The following FLVCR1 variants were observed in gnomAD, a reference collection of about 807,000 sequenced individuals.
FLVCR1 encodes the protein FLVCR choline and heme transporter 1.
A neutral mutation model predicts 53.6 loss-of-function variants in FLVCR1; 34 were observed. The ratio of observed to expected loss-of-function variants is 0.63; its 90% CI spans 0.48 to 0.84. The LOEUF (loss-of-function observed/expected upper bound fraction) is 0.84, where lower values mean the gene tolerates loss of function less well. Among genes scored for constraint, FLVCR1 ranks in the 40% least tolerant of loss-of-function variants. The pLI, the probability that FLVCR1 is intolerant of heterozygous loss-of-function variation, is 0.00. For synonymous variants in FLVCR1, 300 were observed against 286.3 expected (o/e 1.05, Z -0.48); for missense variants, 677 against 696.7 (o/e 0.97, Z 0.32).
Position 212,895,655 on chromosome 1 carries a change from G to C in FLVCR1, c.*365G>C, listed in dbSNP as rs753957169. Reference sequence around the variant, plus strand: ...ACTTTTTAAAGTGATAATATGGGGTGTTCAGTCCCCATAAGATATAATAGT... The same window carrying C: ...ACTTTTTAAAGTGATAATATGGGGTCTTCAGTCCCCATAAGATATAATAGT... On this transcript the variant is annotated 3_prime_UTR_variant, in exon 10 of 10. Coordinates refer to ENST00000366971, the MANE Select transcript of FLVCR1 (RefSeq NM_014053.4). The C allele has an allele frequency of 1.9e-5, 6 of 315,670 alleles. No homozygotes were observed. The highest frequency in any genetic ancestry group is 3.7e-5 in the Non-Finnish European group (6 of 164,314). The allele number at this position is 315,670 out of a possible 1,614,324, so 19.6% of individuals were successfully genotyped here.
intron 3 of FLVCR1, among the ~76,000 whole-genome samples, chr1:212,881,402 A>C (rs1326918289): frequency 6.7e-6 from 1 of 149,996 alleles, no homozygotes; most frequent in Non-Finnish European, 1.5e-5. Flanking sequence ...GCAGTGGCAC[A>C]ATCTCGGCTC....
chr1:212,868,092 T>G (rs752410684), intron 2 of FLVCR1, among the ~76,000 whole-genome samples: 8 of 151,868 alleles, frequency 5.3e-5, no homozygotes, highest in Non-Finnish European at 1.0e-4. Flanking sequence ...TGTGATAATT[T>G]TACTTTTAAT....
At chr1:212,881,639 G>A (rs998321491) in intron 3 of FLVCR1, among the ~76,000 whole-genome samples, 4 of 152,042 alleles carry the variant, frequency 2.6e-5, no homozygotes, top group African/African-American at 4.8e-5. Context: ...GGGATTACAC[G>A]CGTGAGCCAC....
chr1:212,894,515 T>G (rs1347698956), intron 8 of FLVCR1, among the ~76,000 whole-genome samples: 2 of 152,192 alleles, frequency 1.3e-5, no homozygotes, highest in Admixed American at 1.3e-4. Flanking sequence ...ATACCTGCAT[T>G]CCCTTCTGCC....
intron 3 of FLVCR1, among the ~76,000 whole-genome samples, chr1:212,880,537 C>G (rs1664893298): frequency 6.6e-6 from 1 of 152,182 alleles, no homozygotes; most frequent in South Asian, 2.1e-4. Flanking sequence ...GTGGCACATG[C>G]CTGTAATTCC....
intron 8 of FLVCR1, among the ~76,000 whole-genome samples, chr1:212,893,069 G>GT (rs972502129): frequency 3.4e-5 from 5 of 147,750 alleles, no homozygotes; most frequent in Admixed American, 6.7e-5. Flanking sequence ...TTTTTTTGGG[G>GT]GGGGGTGCCG....
chr1:212,860,287 T>TA (rs1433478371), intron 1 of FLVCR1, among the ~76,000 whole-genome samples: 2 of 151,748 alleles, frequency 1.3e-5, no homozygotes, highest in Non-Finnish European at 2.9e-5. Context: ...TTATGACTGA[T>TA]ACTTGAGTTG....
chr1:212,867,054 A>G (rs539085289), intron 2 of FLVCR1, among the ~76,000 whole-genome samples: 2 of 152,378 alleles, frequency 1.3e-5, no homozygotes, highest in South Asian at 4.1e-4. Context: ...AATTCTATCC[A>G]TACTTACTTT....
At position 212,858,905 on chromosome 1, in the gene FLVCR1, G is replaced by GGT. The variant is rs1664127232; in HGVS notation, c.456_457dup (p.Tyr153CysfsTer108). The GGT allele has an allele frequency of 6.2e-7, 1 of 1,614,124 alleles. No homozygotes were observed. Among genetic ancestry groups the GGT allele is most frequent in the Non-Finnish European group, 8.5e-7 (1 of 1,180,050 alleles). On this transcript the variant is annotated frameshift_variant, in exon 1 of 10. Transcript: ENST00000366971. LOFTEE classifies it high-confidence loss of function. Reference sequence around the variant, plus strand: ...TGCTGCACATCGACTGGCTGTCCATGGTGTACATGCTGGCCTACGTGCCCC... The same window carrying GGT: ...TGCTGCACATCGACTGGCTGTCCATGGTGTGTACATGCTGGCCTACGTGCCCC...
At chr1:212,885,260 A>G (rs1390485187) in intron 4 of FLVCR1, 33 bp from the exon 5 acceptor site, 6 of 1,426,372 alleles carry the variant, frequency 4.2e-6, no homozygotes, top group Non-Finnish European at 5.0e-6. Context: ...TAATCCATTT[A>G]TTTGATCAAC....
chr1:212,874,402 T>C (rs1274686601), intron 3 of FLVCR1, among the ~76,000 whole-genome samples: 1 of 152,242 alleles, frequency 6.6e-6, no homozygotes, highest in Non-Finnish European at 1.5e-5. Context: ...TTAATTTTGC[T>C]GGTTATCTCC....
At position 212,889,181 on chromosome 1, in the gene FLVCR1, G is replaced by C; in HGVS notation, c.1449G>C (p.Lys483Asn). 1 of 1,613,718 alleles carries C rather than the reference G, an allele frequency of 6.2e-7. No homozygotes were observed. The highest frequency in any genetic ancestry group is 8.5e-7 in the Non-Finnish European group (1 of 1,179,702). Residue 483 changes from lysine (K) to asparagine (N), a missense_variant, in exon 8 of 10, where the codon AAG becomes AAC. Transcript: ENST00000366971. Reference sequence around the variant, plus strand: ...TTTTGTTCACATTGGCTCAAGGAAAGCTCACATCAGACTATGGTCCTAAGG... The same window carrying C: ...TTTTGTTCACATTGGCTCAAGGAAACCTCACATCAGACTATGGTCCTAAGG... ...FGILFTLAQG[K>N]LTSDYGPKAG...
At chr1:212,884,159 C>A (rs1376915550) in intron 4 of FLVCR1, among the ~76,000 whole-genome samples, 1 of 152,122 alleles carries the variant, frequency 6.6e-6, no homozygotes, top group African/African-American at 2.4e-5. Flanking sequence ...ATTAGCTGGG[C>A]ATGGTGGCGC....
rs1288367715 is a variant in FLVCR1, at chr1:212,876,688, A to G, written c.1024+3870A>G. Among the ~76,000 whole-genome samples the G allele has an allele frequency of 3.3e-5, 5 of 152,236 alleles. No individual in the cohort carries two copies. In the East Asian group the frequency reaches 7.7e-4, roughly 24 times the overall value. ...CCTGATCTCATTTCTTTTTGGCTGC[A>G]TAGTATTCCATGGTGTAAACATACC... is the stretch of plus-strand genomic sequence containing the variant. On this transcript the variant is annotated intron_variant, in intron 3 of 9. Transcript: ENST00000366971.
In FLVCR1 at chr1:212,870,645, TA is replaced by T. The variant is rs548965714; in HGVS notation, c.884-2025del. On this transcript the variant is annotated intron_variant, in intron 2 of 9. Coordinates refer to ENST00000366971, the MANE Select transcript of FLVCR1 (RefSeq NM_014053.4). ...ATTAAAAAAAAATCCTAATTTCTAT[TA>T]AAAAAAATTTTTTTTCTTGCTGTCT... is the stretch of plus-strand genomic sequence containing the variant. Among the ~76,000 whole-genome samples, 54 of 152,228 alleles carry T rather than the reference TA, an allele frequency of 3.5e-4. 1 individual carries two copies. The highest frequency in any genetic ancestry group is 2.1e-3 in the Admixed American group (32 of 15,290).
intron 1 of FLVCR1, among the ~76,000 whole-genome samples, chr1:212,862,025 C>G (rs1664258695): frequency 6.6e-6 from 1 of 152,130 alleles, no homozygotes; most frequent in Admixed American, 6.5e-5. Flanking sequence ...GTGACTATCT[C>G]TGCCTCAGAC....
At chr1:212,874,288 G>A (rs74989489) in intron 3 of FLVCR1, among the ~76,000 whole-genome samples, 3,508 of 152,278 alleles carry the variant, frequency 0.023, 63 homozygotes, top group South Asian at 0.041. Context: ...GATTACAGGC[G>A]TGAGCCAAAA....
chr1:212,862,343 C>G (rs1042656083), intron 1 of FLVCR1, among the ~76,000 whole-genome samples: 2 of 152,168 alleles, frequency 1.3e-5, no homozygotes, highest in Non-Finnish European at 2.9e-5. Context: ...TGCCCCCTCC[C>G]CTAGCCTGTG....
chr1:212,869,915 A>G (rs1664547507), intron 2 of FLVCR1: 1 of 152,270 alleles, frequency 6.6e-6, no homozygotes, highest in African/African-American at 2.4e-5. Context: ...GGTAAATAAA[A>G]AAGTAAGAGA....
Sources: allele counts gnomAD v4.1 joint callset (sites outside exome capture counted in the v4.1 genomes callset), GRCh38; gene constraint gnomAD v4.1.1; transcripts MANE v1.5; gene names NCBI Gene and HGNC (gene_info 2026-07-23, HGNC 2026-07-21).